RFX8: variants seen among roughly 807,000 people sequenced by gnomAD.
RFX8 encodes the protein DNA-binding protein RFX8.
A neutral mutation model predicts 54.6 loss-of-function variants in RFX8; 46 were observed. The ratio of observed to expected loss-of-function variants is 0.84; its 90% CI spans 0.67 to 1.08. The LOEUF is 1.08. Among genes scored for constraint, RFX8 ranks in the 50% least tolerant of loss-of-function variants. The probability of loss-of-function intolerance (pLI) is 0.00; values close to 1 mark genes in which losing one functional copy is unlikely to be tolerated. For synonymous variants in RFX8, 192 were observed against 209.5 expected (o/e 0.92, Z 0.72); for missense variants, 536 against 562.3 (o/e 0.95, Z 0.47).
chr2:101,401,641 C>G (rs78196440), intron 11 of RFX8, among the ~76,000 whole-genome samples: 1 of 152,292 alleles, frequency 6.6e-6, no homozygotes, highest in African/African-American at 2.4e-5. Flanking sequence ...AGCCCACTCC[C>G]CACTCCTCAA....
chr2:101,402,782 A>C, intron 10 of RFX8, 30 bp from the exon 11 acceptor site: 1 of 1,508,378 alleles, frequency 6.6e-7, no homozygotes, highest in Non-Finnish European at 8.9e-7. Context: ...AAAAATGAAT[A>C]CATTTGATCG....
At chr2:101,411,297 C>T (rs1442105794) in intron 8 of RFX8, among the ~76,000 whole-genome samples, 1 of 152,212 alleles carries the variant, frequency 6.6e-6, no homozygotes, top group East Asian at 1.9e-4. Context: ...AAAACTGAGT[C>T]GGTTGCAGTG....
At chr2:101,449,228 C>G (rs1405761306) in intron 2 of RFX8, among the ~76,000 whole-genome samples, 1 of 152,172 alleles carries the variant, frequency 6.6e-6, no homozygotes, top group Non-Finnish European at 1.5e-5. Flanking sequence ...TTGGCTAACA[C>G]CAGCCTAGGG....
chr2:101,459,226 G>A (rs1303861043), intron 2 of RFX8, among the ~76,000 whole-genome samples: 1 of 152,152 alleles, frequency 6.6e-6, no homozygotes, highest in Non-Finnish European at 1.5e-5. Context: ...AATCGTCAAA[G>A]TCATTCTCCG....
intron 5 of RFX8, 96 bp from the exon 6 acceptor site, chr2:101,417,780 T>C (rs1240232629): frequency 1.9e-6 from 2 of 1,038,442 alleles, no homozygotes; most frequent in African/African-American, 3.3e-5. Flanking sequence ...TCTCAAGAAG[T>C]CTGAGAGCGG....
intron 2 of RFX8, among the ~76,000 whole-genome samples, chr2:101,463,188 G>A (rs1288792074): frequency 6.6e-6 from 1 of 152,180 alleles, no homozygotes; most frequent in African/African-American, 2.4e-5. Context: ...CATACCCTAG[G>A]GGACTTGTGT....
At chr2:101,474,169 C>A (rs1368647119) in intron 1 of RFX8, 2 of 623,504 alleles carry the variant, frequency 3.2e-6, no homozygotes, top group Admixed American at 5.5e-5. Context: ...CCCACCTCCT[C>A]CATCCCAGCG....
chr2:101,428,691 T>A (rs1412137747), intron 2 of RFX8, among the ~76,000 whole-genome samples: 1 of 152,298 alleles, frequency 6.6e-6, no homozygotes, highest in Non-Finnish European at 1.5e-5. Flanking sequence ...AGCCTATATA[T>A]CCTTTTTAAT....
At chr2:101,425,544 C>T (rs1687121898) in intron 2 of RFX8, among the ~76,000 whole-genome samples, 2 of 152,134 alleles carry the variant, frequency 1.3e-5, no homozygotes, top group South Asian at 2.1e-4. Context: ...TGACAATGTA[C>T]TGTTAAGATA....
chr2:101,465,902 C>T (rs1019466343), intron 2 of RFX8, among the ~76,000 whole-genome samples: 4 of 152,036 alleles, frequency 2.6e-5, no homozygotes, highest in Admixed American at 6.6e-5. Flanking sequence ...GAAGTCATAA[C>T]GAAACAGGTG....
At chr2:101,437,950 T>C (rs1391474954) in intron 2 of RFX8, among the ~76,000 whole-genome samples, 1 of 152,242 alleles carries the variant, frequency 6.6e-6, no homozygotes, top group Non-Finnish European at 1.5e-5. Flanking sequence ...TGGACTCATA[T>C]GCTATATAAC....
chr2:101,453,740 T>G (rs1285511726), intron 2 of RFX8, among the ~76,000 whole-genome samples: 1 of 152,156 alleles, frequency 6.6e-6, no homozygotes, highest in Non-Finnish European at 1.5e-5. Flanking sequence ...CTCAACATTA[T>G]GCCACGGATA....
At chr2:101,414,252 C>T (rs1253753499) in intron 7 of RFX8, among the ~76,000 whole-genome samples, 1 of 152,120 alleles carries the variant, frequency 6.6e-6, no homozygotes, top group Admixed American at 6.6e-5. Flanking sequence ...GGGCCTCCCT[C>T]TGGCATCTTT....
chr2:101,418,751 A>C, intron 5 of RFX8, 100 bp downstream of exon 5: 5 of 732,454 alleles, frequency 6.8e-6, no homozygotes, highest in South Asian at 3.0e-5. Flanking sequence ...TCCTCAGAGG[A>C]CCATGGAGAC....
At chr2:101,442,537 G>A (rs1056191992) in intron 2 of RFX8, among the ~76,000 whole-genome samples, 3 of 151,148 alleles carry the variant, frequency 2.0e-5, no homozygotes, top group African/African-American at 7.3e-5. Flanking sequence ...TCTTATCTCA[G>A]CCCTTGAAAC....
intron 2 of RFX8, among the ~76,000 whole-genome samples, chr2:101,424,669 A>G (rs1476478535): frequency 6.6e-6 from 1 of 152,214 alleles, no homozygotes. Flanking sequence ...CATATACACC[A>G]CGGAATACTA....
chr2:101,413,219 A>C (rs1686258749), intron 7 of RFX8, 148 bp from the exon 8 acceptor site: 2 of 683,648 alleles, frequency 2.9e-6, no homozygotes, highest in Non-Finnish European at 5.0e-6. Flanking sequence ...CTTAAACAAG[A>C]ATGAAAAGGT....
At chr2:101,464,066 C>A (rs4851454) in intron 2 of RFX8, among the ~76,000 whole-genome samples, 52,545 of 152,042 alleles carry the variant, frequency 0.35, 9,752 homozygotes, top group African/African-American at 0.44. Context: ...CCACTGGACA[C>A]CTTCAGACAC....
At chr2:101,414,393 G>A (rs1375369730) in intron 7 of RFX8, among the ~76,000 whole-genome samples, 2 of 151,810 alleles carry the variant, frequency 1.3e-5, no homozygotes, top group Non-Finnish European at 2.9e-5. Context: ...TGTCTCCTGA[G>A]TAGCTGGGAC....
Sources: gnomAD v4.1 joint callset for allele counts (sites outside exome capture counted in the v4.1 genomes callset) on GRCh38, gnomAD v4.1.1 for gene constraint, MANE v1.5 for transcripts, NCBI Gene and HGNC (gene_info 2026-07-23, HGNC 2026-07-21) for gene names.